Variants in ZNF331 observed in about 807,000 individuals in gnomAD.
ZNF331 encodes the protein C2H2-like zinc finger protein rearranged in thyroid adenomas.
Under a neutral mutation model 7.0 loss-of-function variants are expected in ZNF331, and 2 were observed. The observed-to-expected ratio is 0.29, with a 90% CI of 0.12 to 0.90. The LOEUF (loss-of-function observed/expected upper bound fraction) is 0.90. Among genes scored for constraint, ZNF331 ranks in the 40% least tolerant of loss-of-function variants. ZNF331 has a pLI of 0.58. For synonymous variants in ZNF331, 196 were observed against 205.4 expected, an observed-to-expected ratio of 0.95 and a Z score of 0.39; for missense variants, 432 against 587.7, an observed-to-expected ratio of 0.74 and a Z score of 2.74.
intron 2 of ZNF331, among the ~76,000 whole-genome samples, chr19:53,542,897 C>G (rs893434624): frequency 6.6e-6 from 1 of 152,182 alleles, no homozygotes; most frequent in African/African-American, 2.4e-5. Flanking sequence ...GCAACCTCTG[C>G]CTCCCGGGTT....
intron 2 of ZNF331, among the ~76,000 whole-genome samples, chr19:53,542,324 A>G (rs1004049987): frequency 1.3e-5 from 2 of 152,204 alleles, no homozygotes; most frequent in African/African-American, 4.8e-5. Flanking sequence ...CAAGAAAGAC[A>G]GCCTTTTAGA....
chr19:53,572,582 CACATATATATTAT>C (rs2090506805), intron 5 of ZNF331, among the ~76,000 whole-genome samples: 1 of 72,368 alleles, frequency 1.4e-5, no homozygotes, highest in African/African-American at 7.0e-5. Flanking sequence ...ATTATATATA[CACATATATATTAT>C]ATATACACAT....
the ZNF331 span, among the ~76,000 whole-genome samples, chr19:53,510,607 G>C: frequency 1.3e-5 from 2 of 152,018 alleles, no homozygotes; most frequent in Non-Finnish European, 2.9e-5. Context: ...TGTCTTACAA[G>C]ACTAGCTACC....
chr19:53,558,948 T>C lies in ZNF331; in HGVS notation c.-74+3040T>C, dbSNP rs74465035. On this transcript the variant is annotated intron_variant, in intron 3 of 5. Transcript: ENST00000449416. This position sits in a 1 kb window ranked among gnomAD's most constrained non-coding sequence, Gnocchi z 4.5. ...CACACATACACACCATACACACATA[T>C]ACACATACCATATACACACCATACA... 1.4e-5 allele frequency among the ~76,000 whole-genome samples: 2 copies of C among 140,818 alleles called. No individual in the cohort carries two copies. Among genetic ancestry groups the C allele is most frequent in the African/African-American group, 2.7e-5 (1 of 37,084 alleles). 92.4% of individuals were successfully genotyped at this position (140,818 alleles called of 152,430 possible). A position where few individuals can be genotyped will look rare whatever the true frequency, so the allele number is the denominator to read the frequency against.
At chr19:53,569,500 C>G (rs1455902302) in intron 4 of ZNF331, 115 bp downstream of exon 4, 3 of 1,279,912 alleles carry the variant, frequency 2.3e-6, no homozygotes, top group Middle Eastern at 1.9e-4. Flanking sequence ...ACCTGTTTCC[C>G]AGCTCTTTCT....
rs776081689 is a variant in ZNF331 at position 53,577,117 on chromosome 19, C to G, written c.557C>G (p.Pro186Arg). The G allele has an allele frequency of 3.1e-6, 5 of 1,614,118 alleles. No individual in the cohort carries two copies. Among genetic ancestry groups the G allele is most frequent in the Non-Finnish European group, 4.2e-6 (5 of 1,180,034 alleles). Reference sequence around the variant, plus strand: ...CAAAAAATTCATACTGGGGAGAAGCCCTACGAATGTAAAGACTGTGGGAAG... The same window carrying G: ...CAAAAAATTCATACTGGGGAGAAGCGCTACGAATGTAAAGACTGTGGGAAG... ...QHQKIHTGEK[P>R]YECKDCGKAF... is the part of the protein sequence containing the mutation. Residue 186 changes from proline (P) to arginine (R), a missense_variant, in exon 6 of 6, where the codon CCC becomes CGC. Coordinates refer to ENST00000449416, the MANE Select transcript of ZNF331 (RefSeq NM_001079906.2).
At chr19:53,509,454 C>G in the ZNF331 span, among the ~76,000 whole-genome samples, 1 of 152,150 alleles carries the variant, frequency 6.6e-6, no homozygotes, top group Non-Finnish European at 1.5e-5. Flanking sequence ...CAACACCATA[C>G]GTGTAGAGAA....
Position 53,538,172 on chromosome 19 carries a change from G to A in ZNF331, c.-329G>A, listed in dbSNP as rs946529164. The A allele has an allele frequency of 7.2e-5, 11 of 152,284 alleles. No homozygotes were observed. Among genetic ancestry groups the A allele is most frequent in the Non-Finnish European group, 1.2e-4 (8 of 68,034 alleles). The allele number at this position is 152,284 out of a possible 1,614,324, so 9.4% of individuals were successfully genotyped here. On this transcript the variant is annotated 5_prime_UTR_variant, in exon 1 of 6. Coordinates refer to ENST00000449416, the MANE Select transcript of ZNF331 (RefSeq NM_001079906.2). Reference sequence around the variant, plus strand: ...ACTTGCGTGGGAGTACGAGGCTGACGCGGCGGCCCTGTCCCCGTAACTGTG... The same window carrying A: ...ACTTGCGTGGGAGTACGAGGCTGACACGGCGGCCCTGTCCCCGTAACTGTG...
chr19:53,527,823 C>T (rs933297492), intron 2 of ZNF331, among the ~76,000 whole-genome samples: 10 of 151,312 alleles, frequency 6.6e-5, no homozygotes, highest in Non-Finnish European at 1.2e-4. Context: ...ATTAGAGATA[C>T]GCCATTTCAA....
chr19:53,564,003 A>G (rs1375286336), intron 3 of ZNF331, among the ~76,000 whole-genome samples: 1 of 133,734 alleles, frequency 7.5e-6, no homozygotes, highest in African/African-American at 2.8e-5. Context: ...GTTGCACTCC[A>G]GCCTGGCGAC....
chr19:53,568,579 CAA>C (rs1353645255), intron 3 of ZNF331, among the ~76,000 whole-genome samples: 1 of 152,154 alleles, frequency 6.6e-6, no homozygotes, highest in Non-Finnish European at 1.5e-5. Flanking sequence ...CCATCAGAAA[CAA>C]AGACATTCCT....
At chr19:53,570,685 G>A (rs377031608) in intron 4 of ZNF331, among the ~76,000 whole-genome samples, 16 of 149,456 alleles carry the variant, frequency 1.1e-4, no homozygotes, top group East Asian at 4.0e-4. Context: ...GGGATGCGCC[G>A]CCACACCCAG....
intron 2 of ZNF331, among the ~76,000 whole-genome samples, chr19:53,524,711 G>C (rs892396918): frequency 2.0e-5 from 3 of 152,032 alleles, no homozygotes; most frequent in African/African-American, 7.2e-5. Flanking sequence ...CCATTCTGTA[G>C]GTTGTCTGTT....
At chr19:53,518,751 G>A (rs1007084562), upstream of ZNF331, among the ~76,000 whole-genome samples, 1 of 152,214 alleles carries the variant, frequency 6.6e-6, no homozygotes, top group Non-Finnish European at 1.5e-5. Context: ...TCAGTCCAAG[G>A]AGAGTAACAA....
chr19:53,527,933 G>T (rs1464233191), intron 2 of ZNF331, among the ~76,000 whole-genome samples: 2 of 152,186 alleles, frequency 1.3e-5, no homozygotes, highest in Non-Finnish European at 2.9e-5. Context: ...AGTGATATCT[G>T]ATGCCTTCCA....
intron 3 of ZNF331, 46 bp from the exon 4 acceptor site, chr19:53,569,258 G>C (rs546111132): frequency 1.9e-6 from 2 of 1,075,086 alleles, no homozygotes; most frequent in African/African-American, 3.2e-5. Flanking sequence ...ATCACTATGG[G>C]GACCCCAGAT....
chr19:53,531,012 T>G (rs1204709277), intron 2 of ZNF331, among the ~76,000 whole-genome samples: 3 of 152,108 alleles, frequency 2.0e-5, no homozygotes, highest in African/African-American at 7.2e-5. Context: ...CCCTCTGACT[T>G]CTGATTGTCA....
At chr19:53,529,643 G>T (rs1433355974) in intron 2 of ZNF331, among the ~76,000 whole-genome samples, 4 of 152,132 alleles carry the variant, frequency 2.6e-5, no homozygotes, top group African/African-American at 9.7e-5. Flanking sequence ...AAACAATTGT[G>T]TATGACTATA....
At position 53,568,135 on chromosome 19, in the gene ZNF331, G is replaced by A. The variant is rs535461862; in HGVS notation, c.-73-1169G>A. On this transcript the variant is annotated intron_variant, in intron 3 of 5. Transcript: ENST00000449416. ...ATGGTGGCATGTGCCTATAGTCCCAGCTACTCAGGAGGCTGAGGAGAATCG... is the reference window on the plus strand; with the variant it reads ...ATGGTGGCATGTGCCTATAGTCCCAACTACTCAGGAGGCTGAGGAGAATCG... 9.2e-5 allele frequency among the ~76,000 whole-genome samples: 14 copies of A among 151,830 alleles called. 1 individual carries two copies. In the South Asian group the frequency reaches 2.5e-3, roughly 27 times the overall value.
Sources: gnomAD v4.1 joint callset for allele counts (sites outside exome capture counted in the v4.1 genomes callset) on GRCh38, gnomAD v4.1.1 for gene constraint, Gnocchi (gnomAD v3.1) non-coding constraint, MANE v1.5 for transcripts, NCBI Gene and HGNC (gene_info 2026-07-23, HGNC 2026-07-21) for gene names.